Variants in ADARB2 observed in about 807,000 individuals in gnomAD.
The protein encoded by ADARB2 is adenosine deaminase RNA specific B2 (inactive).
Under a neutral mutation model 62.2 loss-of-function variants are expected in ADARB2, and 25 were observed. The observed-to-expected ratio is 0.40, with a 90% CI of 0.29 to 0.56. ADARB2 has a LOEUF of 0.56. ADARB2 is among the 20% of genes least tolerant of loss of function. The pLI is 0.43. For missense variants in ADARB2, 1,071 were observed against 1,077.4 expected, an observed-to-expected ratio of 0.99 and a Z score of 0.08; for synonymous variants, 572 against 500.8, an observed-to-expected ratio of 1.14 and a Z score of -1.90.
chr10:1,485,891 C>T (rs559988550), intron 1 of ADARB2, among the ~76,000 whole-genome samples: 2 of 152,298 alleles, frequency 1.3e-5, no homozygotes, highest in African/African-American at 4.8e-5. Context: ...GTTCAAGTTA[C>T]GTCCAATGAG....
At chr10:1,460,137 T>A (rs562724448) in intron 1 of ADARB2, among the ~76,000 whole-genome samples, 45 of 40,440 alleles carry the variant, frequency 1.1e-3, no homozygotes, top group South Asian at 3.1e-3. Context: ...GTGACCTGAG[T>A]TTACCTGTGT....
At chr10:1,712,430 C>G (rs55943045) in intron 1 of ADARB2, among the ~76,000 whole-genome samples, 97,699 of 150,776 alleles carry the variant, frequency 0.65, 31,880 homozygotes, top group South Asian at 0.78. Flanking sequence ...GAATATACTG[C>G]TTTTTTTTTT....
At chr10:1,283,733 T>C (rs75243617) in intron 3 of ADARB2, among the ~76,000 whole-genome samples, 3,971 of 152,346 alleles carry the variant, frequency 0.026, 62 homozygotes, top group Middle Eastern at 0.048. Flanking sequence ...CTATGGCCTG[T>C]GTCCTTCATG....
At chr10:1,226,385 G>A (rs561497337) in intron 6 of ADARB2, among the ~76,000 whole-genome samples, 57 of 152,116 alleles carry the variant, frequency 3.7e-4, no homozygotes, top group African/African-American at 1.3e-3. Flanking sequence ...TAGTTTGATC[G>A]TCTGAAGCCT....
At chr10:1,233,938 G>A in intron 5 of ADARB2, 93 bp from the exon 6 acceptor site, 3 of 1,024,592 alleles carry the variant, frequency 2.9e-6, no homozygotes, top group South Asian at 5.6e-5. Context: ...TTGTAGAGTT[G>A]TTCCCCAAGT....
At chr10:1,270,364 C>T (rs1831249311) in intron 4 of ADARB2, among the ~76,000 whole-genome samples, 1 of 152,096 alleles carries the variant, frequency 6.6e-6, no homozygotes, top group Non-Finnish European at 1.5e-5. Context: ...ACGAGGAGGT[C>T]ATTACACACT....
chr10:1,490,049 C>T (rs1831600974), intron 1 of ADARB2, among the ~76,000 whole-genome samples: 1 of 152,306 alleles, frequency 6.6e-6, no homozygotes, highest in East Asian at 1.9e-4. Flanking sequence ...CACACGTTAG[C>T]TGTCAGGTAA....
At chr10:1,417,932 A>T (rs1832818908) in intron 1 of ADARB2, among the ~76,000 whole-genome samples, 1 of 152,248 alleles carries the variant, frequency 6.6e-6, no homozygotes, top group Admixed American at 6.5e-5. Flanking sequence ...AAAATGGCGG[A>T]CAGAGATCTG....
intron 1 of ADARB2, among the ~76,000 whole-genome samples, chr10:1,647,569 A>C (rs1330682388): frequency 2.0e-5 from 3 of 151,962 alleles, no homozygotes; most frequent in African/African-American, 7.3e-5. Context: ...ATATATCTGC[A>C]TGTATGTGTG....
At chr10:1,705,891 G>A (rs1306428482) in intron 1 of ADARB2, among the ~76,000 whole-genome samples, 1 of 152,036 alleles carries the variant, frequency 6.6e-6, no homozygotes, top group East Asian at 1.9e-4. Context: ...CTTAAGTATT[G>A]CTTCCCTAGC....
At chr10:1,551,213 G>T (rs1324322037) in intron 1 of ADARB2, among the ~76,000 whole-genome samples, 3 of 152,182 alleles carry the variant, frequency 2.0e-5, no homozygotes, top group Non-Finnish European at 4.4e-5. Context: ...CCATGGAGAG[G>T]CCTCAGGAGG....
intron 9 of ADARB2, 32 bp from the exon 10 acceptor site, chr10:1,183,401 A>G: frequency 1.3e-6 from 2 of 1,596,562 alleles, no homozygotes; most frequent in Admixed American, 3.4e-5. Context: ...AGCCAATCAG[A>G]CACCAGCAGA....
intron 1 of ADARB2, among the ~76,000 whole-genome samples, chr10:1,606,446 C>T (rs565976262): frequency 4.9e-4 from 74 of 152,046 alleles, no homozygotes; most frequent in Non-Finnish European, 9.0e-4. Flanking sequence ...AAGGAAGGGA[C>T]GTGGGAAAGG....
chr10:1,550,138 C>G (rs746860209), intron 1 of ADARB2, among the ~76,000 whole-genome samples: 2 of 152,182 alleles, frequency 1.3e-5, no homozygotes, highest in Non-Finnish European at 2.9e-5. Flanking sequence ...GCTCCCCACA[C>G]CACAGCCCAC....
chr10:1,708,622 G>C (rs1461732896), intron 1 of ADARB2, among the ~76,000 whole-genome samples: 9 of 152,082 alleles, frequency 5.9e-5, no homozygotes. Flanking sequence ...GGCAGCCGGG[G>C]TCCTGGGAGA....
At chr10:1,701,553 G>A (rs1834819342) in intron 1 of ADARB2, among the ~76,000 whole-genome samples, 1 of 648 alleles carries the variant, frequency 1.5e-3, no homozygotes, top group African/African-American at 2.1e-3. Flanking sequence ...CCAGGCGCTC[G>A]CCAATACACT....
At chr10:1,415,950 A>ATGTGG in intron 1 of ADARB2, among the ~76,000 whole-genome samples, 1 of 152,166 alleles carries the variant, frequency 6.6e-6, no homozygotes, top group Non-Finnish European at 1.5e-5. Flanking sequence ...TCTACCACTC[A>ATGTGG]CCAGCCGTGT....
At chr10:1,675,941 C>G in intron 1 of ADARB2, 2 of 943,850 alleles carry the variant, frequency 2.1e-6, no homozygotes, top group Non-Finnish European at 2.5e-6. Flanking sequence ...TGAATCTGCT[C>G]AGACTTGGAG....
intron 2 of ADARB2, among the ~76,000 whole-genome samples, chr10:1,371,919 A>G (rs962991446): frequency 7.9e-5 from 12 of 152,220 alleles, no homozygotes; most frequent in Non-Finnish European, 1.6e-4. Flanking sequence ...TTAAGGAACT[A>G]AGAATAGAAC....
Sources: gnomAD v4.1 joint callset for allele counts (sites outside exome capture counted in the v4.1 genomes callset) on GRCh38, gnomAD v4.1.1 for gene constraint, MANE v1.5 for transcripts, NCBI Gene and HGNC (gene_info 2026-07-23, HGNC 2026-07-21) for gene names.